Variants in STOM observed in about 807,000 individuals in gnomAD.
STOM encodes erythrocyte band 7 integral membrane protein.
A neutral mutation model predicts 30.6 loss-of-function variants in STOM; 25 were observed. The ratio of observed to expected loss-of-function variants is 0.82; its 90% CI spans 0.60 to 1.14. The LOEUF (loss-of-function observed/expected upper bound fraction) is 1.14. Ranked by LOEUF, STOM falls within the 50% of genes most tolerant of loss-of-function variation. The probability of loss-of-function intolerance (pLI) is 0.00; values close to 1 mark genes in which losing one functional copy is unlikely to be tolerated. For synonymous variants in STOM, 118 were observed against 130.8 expected, an observed-to-expected ratio of 0.90 and a Z score of 0.67; for missense variants, 292 against 365.2, an observed-to-expected ratio of 0.80 and a Z score of 1.63.
At chr9:121,355,247 A>T (rs1297726319) in intron 2 of STOM, among the ~76,000 whole-genome samples, 4 of 147,846 alleles carry the variant, frequency 2.7e-5, no homozygotes, top group Non-Finnish European at 4.5e-5. Context: ...AAAAAAAAAA[A>T]AAATAATAAT....
Position 121,353,203 on chromosome 9 carries a change from T to C in STOM, c.321+17A>G. ...ACTTTCACATATGATACCTCAGTTA[T>C]TCAAAGAAAACCTTACCTCCTGAGG... On this transcript the variant is annotated intron_variant, in intron 4 of 6. Transcript: ENST00000286713. The C allele has an allele frequency of 6.4e-7, 1 of 1,559,548 alleles. No homozygotes were observed. Among genetic ancestry groups the C allele is most frequent in the Non-Finnish European group, 8.8e-7 (1 of 1,137,114 alleles).
At chr9:121,346,111 T>C (rs1485130599) in intron 6 of STOM, among the ~76,000 whole-genome samples, 2 of 152,152 alleles carry the variant, frequency 1.3e-5, no homozygotes, top group South Asian at 4.1e-4. Flanking sequence ...CTTCTCAGCC[T>C]CCCCAGTAGC....
chr9:121,362,262 C>CTAT, intron 1 of STOM, among the ~76,000 whole-genome samples: 1 of 152,238 alleles, frequency 6.6e-6, no homozygotes, highest in East Asian at 1.9e-4. Context: ...GAAACATTAT[C>CTAT]TATACTTTAT....
chr9:121,363,976 A>G (rs2064479390), intron 1 of STOM, among the ~76,000 whole-genome samples: 2 of 152,218 alleles, frequency 1.3e-5, no homozygotes, highest in Non-Finnish European at 2.9e-5. Flanking sequence ...TCTTCAATTA[A>G]TCAAATTTTT....
At chr9:121,367,128 G>C (rs2064512361) in intron 1 of STOM, among the ~76,000 whole-genome samples, 1 of 152,058 alleles carries the variant, frequency 6.6e-6, no homozygotes, top group South Asian at 2.1e-4. Context: ...GAGTCAAACT[G>C]ATAAATATGT....
intron 1 of STOM, among the ~76,000 whole-genome samples, chr9:121,359,738 G>T (rs2064432306): frequency 6.6e-6 from 1 of 151,962 alleles, no homozygotes; most frequent in Non-Finnish European, 1.5e-5. Flanking sequence ...TCAAATATGG[G>T]TCATCTTACT....
At chr9:121,361,381 T>TTC (rs2064450189) in intron 1 of STOM, among the ~76,000 whole-genome samples, 1 of 2,540 alleles carries the variant, frequency 3.9e-4, no homozygotes, top group South Asian at 0.022. Context: ...ACTTGTGGAC[T>TTC]TTTTTTTTTT....
rs142811641 is a variant in STOM at position 121,347,234 on chromosome 9, C to A, written c.660+781G>T. ...AGGGAATGACTAGTTCCCTGAACTG[C>A]CTTCTGGTTCCAATTTTGGTGAGAC... is the stretch of plus-strand genomic sequence containing the variant. On this transcript the variant is annotated intron_variant, in intron 6 of 6. Coordinates refer to ENST00000286713, the MANE Select transcript of STOM (RefSeq NM_004099.6). Among the ~76,000 whole-genome samples, 89 of 152,312 alleles carry A rather than the reference C, an allele frequency of 5.8e-4. 1 individual carries two copies. Among genetic ancestry groups the A allele is most frequent in the Non-Finnish European group, 9.8e-4 (67 of 68,022 alleles).
In STOM at chr9:121,341,327, G is replaced by C; in HGVS notation, c.742C>G (p.Leu248Val). The stretch of plus-strand genomic sequence containing the variant: ...AGTGTCTGCAGGTATCGGAGCTGAA[G>C]GGCTGCAGGAGATTCAGTGATGACC... The part of the protein sequence containing the change: ...SMVITESPAA[L>V]QLRYLQTLTT... Residue 248 changes from leucine to valine, a missense_variant, in exon 7 of 7, where the codon CTT (leucine) becomes GTT (valine). By Grantham distance (32) the Leu-to-Val change is conservative. Coordinates refer to ENST00000286713, the MANE Select transcript of STOM (RefSeq NM_004099.6). The C allele has an allele frequency of 6.2e-7, 1 of 1,614,180 alleles. No individual in the cohort carries two copies. Among genetic ancestry groups the C allele is most frequent in the Non-Finnish European group, 8.5e-7 (1 of 1,180,030 alleles).
Position 121,339,793 on chromosome 9 carries a change from A to G in STOM, c.*1409T>C. On this transcript the variant is annotated 3_prime_UTR_variant, in exon 7 of 7. Transcript: ENST00000286713. ...GCTGACCAGTTCCTCTTTCAGCATC[A>G]ATATACATGATAGAAGAATGACTAG... 1.6e-6 allele frequency: 2 copies of G among 1,217,094 alleles called. No individual in the cohort carries two copies. The highest frequency in any genetic ancestry group is 2.0e-6 in the Non-Finnish European group (2 of 979,286). The allele number at this position is 1,217,094 out of a possible 1,614,324, so 75.4% of individuals were successfully genotyped here. A position where few individuals can be genotyped will look rare whatever the true frequency, so the allele number is the denominator to read the frequency against.
chr9:121,355,231 C>CAATAAAAA (rs1554830881), intron 2 of STOM, among the ~76,000 whole-genome samples: 1 of 83,442 alleles, frequency 1.2e-5, no homozygotes, highest in Non-Finnish European at 2.3e-5. Context: ...GACTCCGTCT[C>CAATAAAAA]AAAAAAAAAA....
At position 121,356,128 on chromosome 9, in the gene STOM, G is replaced by T. The variant is rs368984951; in HGVS notation, c.90C>A (p.Cys30Ter). 34 of 1,613,910 alleles carry T rather than the reference G, an allele frequency of 2.1e-5. No homozygotes were observed. Among genetic ancestry groups the T allele is most frequent in the Non-Finnish European group, 2.8e-5 (33 of 1,179,972 alleles). ...KDSPSKGLGP[C>*]GWILVAFSFL... ...ATGAGAACGCCACCAAAATCCATCC[G>T]CAAGGTCCAAGGCCCTTACTGGGGC... The change falls in exon 2 of 7, where the codon TGC becomes TGA. Residue 30 changes from cysteine (C) to a stop codon, truncating the protein, a stop_gained. Coordinates refer to ENST00000286713, the MANE Select transcript of STOM (RefSeq NM_004099.6). LOFTEE classifies it high-confidence loss of function.
In STOM at chr9:121,340,479, G is replaced by A. The variant is rs988660871; in HGVS notation, c.*723C>T. 1 of 984,462 alleles carries A rather than the reference G, an allele frequency of 1.0e-6. No individual in the cohort carries two copies. The highest frequency in any genetic ancestry group is 1.1e-4 in the East Asian group (1 of 8,810). The allele number at this position is 984,462 out of a possible 1,614,324, so 61.0% of individuals were successfully genotyped here. A position where few individuals can be genotyped will look rare whatever the true frequency, so the allele number is the denominator to read the frequency against. Reference sequence around the variant, plus strand: ...AAACCAGGTGTGGTAGCTCATGCCTGTAATCCCAGCACTTTGGGAGGCAGA... The same window carrying A: ...AAACCAGGTGTGGTAGCTCATGCCTATAATCCCAGCACTTTGGGAGGCAGA... On this transcript the variant is annotated 3_prime_UTR_variant, in exon 7 of 7. Transcript: ENST00000286713.
At chr9:121,354,542 TA>T (rs899680986) in intron 3 of STOM, 58 bp downstream of exon 3, 76 of 1,394,802 alleles carry the variant, frequency 5.4e-5, no homozygotes, top group South Asian at 8.9e-5. Context: ...TACCTAAAAA[TA>T]AAAAAAATAA....
intron 1 of STOM, among the ~76,000 whole-genome samples, chr9:121,369,300 T>G (rs1436161891): frequency 6.6e-6 from 1 of 152,176 alleles, no homozygotes; most frequent in Non-Finnish European, 1.5e-5. Context: ...TGAAATTCCA[T>G]CTTTAGAAAC....
intron 5 of STOM, 41 bp from the exon 6 acceptor site, chr9:121,348,190 A>G: frequency 6.2e-7 from 1 of 1,613,464 alleles, no homozygotes; most frequent in East Asian, 2.2e-5. Flanking sequence ...TCCTCAGCCC[A>G]GCCCAGATGC....
chr9:121,363,804 C>T (rs1378062264), intron 1 of STOM, among the ~76,000 whole-genome samples: 1 of 152,166 alleles, frequency 6.6e-6, no homozygotes. Flanking sequence ...TTAAATAATG[C>T]ATTTGATCTT....
chr9:121,342,612 G>C (rs1196377887), intron 6 of STOM, among the ~76,000 whole-genome samples: 1 of 152,050 alleles, frequency 6.6e-6, no homozygotes, highest in Non-Finnish European at 1.5e-5. Flanking sequence ...GCTCCTGACT[G>C]TTAAGAGTTT....
At chr9:121,355,025 C>T (rs567498430) in intron 2 of STOM, among the ~76,000 whole-genome samples, 5 of 151,956 alleles carry the variant, frequency 3.3e-5, no homozygotes, top group Non-Finnish European at 5.9e-5. Context: ...TTTGGAAGGC[C>T]GAGGTGGGCA....
Sources: allele counts gnomAD v4.1 joint callset (sites outside exome capture counted in the v4.1 genomes callset), GRCh38; gene constraint gnomAD v4.1.1; transcripts MANE v1.5; gene names NCBI Gene and HGNC (gene_info 2026-07-23, HGNC 2026-07-21).